Variants in KIRREL3 observed in about 807,000 individuals in gnomAD.
KIRREL3 encodes kirre like nephrin family adhesion molecule 3, also known as kin of IRRE-like protein 3.
In KIRREL3, 36 loss-of-function variants were observed where a neutral mutation model predicts 89.7. The ratio of observed to expected loss-of-function variants is 0.40; its 90% CI spans 0.31 to 0.53. KIRREL3 has a LOEUF of 0.53. KIRREL3 is among the 20% of genes least tolerant of loss of function. The pLI, the probability that KIRREL3 is intolerant of heterozygous loss-of-function variation, is 0.49. For missense variants in KIRREL3, 864 were observed against 1,056.6 expected (o/e 0.82, Z 2.53); for synonymous variants, 445 against 441.4 (o/e 1.01, Z -0.10).
rs895879469 is a variant in KIRREL3 at position 126,811,307 on chromosome 11, C to T, written c.55+189148G>A. ...CTTCAGAGAGAACTTTGACCCAGAA[C>T]CGAGTGACTGTTATGGAGCTACGAG... On this transcript the variant is annotated intron_variant, in intron 1 of 16. Transcript: ENST00000525144. The surrounding 1 kb of genome is among the most constrained non-coding windows in gnomAD (Gnocchi z 4.3). Among the ~76,000 whole-genome samples, 2 of 152,204 alleles carry T rather than the reference C, an allele frequency of 1.3e-5. No individual in the cohort carries two copies. The highest frequency in any genetic ancestry group is 4.8e-5 in the African/African-American group (2 of 41,462).
Position 126,489,428 on chromosome 11 carries a change from C to T in KIRREL3, c.434-15962G>A, listed in dbSNP as rs113312362. Among the ~76,000 whole-genome samples, 96 of 152,262 alleles carry T rather than the reference C, an allele frequency of 6.3e-4. 1 individual carries two copies. Among genetic ancestry groups the T allele is most frequent in the African/African-American group, 2.3e-3 (95 of 41,546 alleles). ...GAAAACAAAGCTTCCAGAGGGGATA[C>T]TTTGGGAGGCGCAGATCTAGGACAC... On this transcript the variant is annotated intron_variant, in intron 4 of 16. Coordinates refer to ENST00000525144, the MANE Select transcript of KIRREL3 (RefSeq NM_032531.4). This position sits in a 1 kb window ranked among gnomAD's most constrained non-coding sequence, Gnocchi z 5.5.
At position 126,429,351 on chromosome 11, in the gene KIRREL3, C is replaced by G; in HGVS notation, c.1697-63G>C. On this transcript the variant is annotated intron_variant, in intron 14 of 16. Transcript: ENST00000525144. The surrounding 1 kb of genome is among the most constrained non-coding windows in gnomAD (Gnocchi z 5.2). ...GTTCTTACCTTTGAGATGTCAAGCT[C>G]CCTTGCAGTCCCCTGCCCCTGCCCT... is the stretch of plus-strand genomic sequence containing the variant. 8.5e-7 allele frequency: 1 copy of G among 1,170,390 alleles called. No individual in the cohort carries two copies. Among genetic ancestry groups the G allele is most frequent in the Non-Finnish European group, 1.3e-6 (1 of 789,028 alleles). The allele number at this position is 1,170,390 out of a possible 1,614,324, so 72.5% of individuals were successfully genotyped here. A position where few individuals can be genotyped will look rare whatever the true frequency, so the allele number is the denominator to read the frequency against.
chr11:126,766,124 ATGT>A lies in KIRREL3; in HGVS notation c.56-203215_56-203213del, dbSNP rs2134282445. 6.6e-6 allele frequency among the ~76,000 whole-genome samples: 1 copy of A among 151,918 alleles called. No homozygotes were observed. The highest frequency in any genetic ancestry group is 2.4e-5 in the African/African-American group (1 of 41,424). ...GGTATCTAGTATCGTTTCATCGCTAATGTTGTGAGTGAGCTAGAACAATCATCT... is the reference window on the plus strand; with the variant it reads ...GGTATCTAGTATCGTTTCATCGCTAATGTGAGTGAGCTAGAACAATCATCT... On this transcript the variant is annotated intron_variant, in intron 1 of 16. Transcript: ENST00000525144. The surrounding 1 kb of genome is among the most constrained non-coding windows in gnomAD (Gnocchi z 4.2).
At chr11:126,674,854 T>C (rs1396449341) in intron 1 of KIRREL3, among the ~76,000 whole-genome samples, 1 of 151,474 alleles carries the variant, frequency 6.6e-6, no homozygotes, top group African/African-American at 2.4e-5. Flanking sequence ...TAAAAACACA[T>C]TACTGGTGTC....
chr11:126,514,869 A>AACAC (rs1565514715), intron 4 of KIRREL3, among the ~76,000 whole-genome samples: 2,138 of 76,644 alleles, frequency 0.028, 37 homozygotes, highest in African/African-American at 0.056. Flanking sequence ...CAACACAACA[A>AACAC]AACACAATTG....
At position 126,988,233 on chromosome 11, in the gene KIRREL3, C is replaced by T. The variant is rs987061539; in HGVS notation, c.55+12222G>A. ...TGATGATGAATTCTTTTAAAGAAAT[C>T]AGCATTTGGCTTTCAAAATGTTAAG... On this transcript the variant is annotated intron_variant, in intron 1 of 16. Transcript: ENST00000525144. Among the ~76,000 whole-genome samples, 17 of 152,276 alleles carry T rather than the reference C, an allele frequency of 1.1e-4. 1 individual carries two copies. The highest frequency in any genetic ancestry group is 3.1e-4 in the African/African-American group (13 of 41,548).
rs1388326769 is a variant in KIRREL3 at position 126,492,930 on chromosome 11, C to A, written c.434-19464G>T. Among the ~76,000 whole-genome samples, 1 of 152,214 alleles carries A rather than the reference C, an allele frequency of 6.6e-6. No homozygotes were observed. The highest frequency in any genetic ancestry group is 1.5e-5 in the Non-Finnish European group (1 of 68,048). On this transcript the variant is annotated intron_variant, in intron 4 of 16. Transcript: ENST00000525144. The surrounding 1 kb of genome is among the most constrained non-coding windows in gnomAD (Gnocchi z 4.8). ...GGGTGGAGGAATTAAGTTAGACATGCCGCAGAACTTCCTGGCCGTGGGCTG... is the reference window on the plus strand; with the variant it reads ...GGGTGGAGGAATTAAGTTAGACATGACGCAGAACTTCCTGGCCGTGGGCTG...
At chr11:126,621,400 GA>G (rs1483912480) in intron 1 of KIRREL3, among the ~76,000 whole-genome samples, 1 of 152,240 alleles carries the variant, frequency 6.6e-6, no homozygotes, top group Non-Finnish European at 1.5e-5. Flanking sequence ...CTTGTTCTGT[GA>G]AGTGGAAGAA....
Position 126,454,790 on chromosome 11 carries a change from C to T in KIRREL3, c.848+1559G>A, listed in dbSNP as rs1020063309. On this transcript the variant is annotated intron_variant, in intron 7 of 16. Coordinates refer to ENST00000525144, the MANE Select transcript of KIRREL3 (RefSeq NM_032531.4). This position sits in a 1 kb window ranked among gnomAD's most constrained non-coding sequence, Gnocchi z 5.8. Reference sequence around the variant, plus strand: ...ATTCTGGGGAGCCTGGAGTCCCCGGCTCAGAAGGGACCCTGGAGGTCATCT... The same window carrying T: ...ATTCTGGGGAGCCTGGAGTCCCCGGTTCAGAAGGGACCCTGGAGGTCATCT... Among the ~76,000 whole-genome samples the T allele has an allele frequency of 3.9e-5, 6 of 152,172 alleles. No individual in the cohort carries two copies. Among genetic ancestry groups the T allele is most frequent in the African/African-American group, 1.4e-4 (6 of 41,418 alleles).
chr11:126,616,950 G>A (rs573050036), intron 1 of KIRREL3, among the ~76,000 whole-genome samples: 1 of 152,368 alleles, frequency 6.6e-6, no homozygotes, highest in East Asian at 1.9e-4. Flanking sequence ...CCTCATAGAT[G>A]TTTCAAAGAC....
chr11:126,828,726 C>T (rs1174418740), intron 1 of KIRREL3, among the ~76,000 whole-genome samples: 1 of 152,212 alleles, frequency 6.6e-6, no homozygotes, highest in African/African-American at 2.4e-5. Context: ...GGAAAGACTG[C>T]ACAACCTTTA....
rs1949907638 is a variant in KIRREL3, at chr11:126,987,704, A to C, written c.55+12751T>G. Among the ~76,000 whole-genome samples, 1 of 152,248 alleles carries C rather than the reference A, an allele frequency of 6.6e-6. No homozygotes were observed. Among genetic ancestry groups the C allele is most frequent in the Admixed American group, 6.5e-5 (1 of 15,284 alleles). Reference sequence around the variant, plus strand: ...ACTGAAGTAAAAAGAAGGCATTTGAAGTATTCTATGCAGAGATCTATCTTC... The same window carrying C: ...ACTGAAGTAAAAAGAAGGCATTTGACGTATTCTATGCAGAGATCTATCTTC... On this transcript the variant is annotated intron_variant, in intron 1 of 16. Coordinates refer to ENST00000525144, the MANE Select transcript of KIRREL3 (RefSeq NM_032531.4). The surrounding 1 kb of genome is among the most constrained non-coding windows in gnomAD (Gnocchi z 4.6).
intron 1 of KIRREL3, among the ~76,000 whole-genome samples, chr11:126,707,386 T>A (rs1021384467): frequency 2.6e-5 from 4 of 151,984 alleles, no homozygotes; most frequent in Admixed American, 1.3e-4. Flanking sequence ...GAGGAAGGGA[T>A]CCTGTCTAAT....
chr11:126,932,564 T>C (rs930142739), intron 1 of KIRREL3, among the ~76,000 whole-genome samples: 1 of 152,212 alleles, frequency 6.6e-6, no homozygotes, highest in Non-Finnish European at 1.5e-5. Flanking sequence ...TCTCAATGCA[T>C]TGAACCCAAT....
intron 1 of KIRREL3, among the ~76,000 whole-genome samples, chr11:126,821,600 TGTGTGA>T (rs1272301055): frequency 6.6e-6 from 1 of 151,936 alleles, no homozygotes; most frequent in Non-Finnish European, 1.5e-5. Flanking sequence ...CATCCATGAA[TGTGTGA>T]ATGTGAATGT....
chr11:126,844,816 T>A lies in KIRREL3; in HGVS notation c.55+155639A>T, dbSNP rs1944085548. 6.6e-6 allele frequency among the ~76,000 whole-genome samples: 1 copy of A among 152,128 alleles called. No homozygotes were observed. Among genetic ancestry groups the A allele is most frequent in the African/African-American group, 2.4e-5 (1 of 41,508 alleles). ...TATAGGATCTTGGGACATGGGGAGC[T>A]TTTTCCTCCCTAAAAAAGGGAAACT... On this transcript the variant is annotated intron_variant, in intron 1 of 16. Transcript: ENST00000525144. The surrounding 1 kb of genome is among the most constrained non-coding windows in gnomAD (Gnocchi z 4.8).
chr11:126,525,727 C>A lies in KIRREL3; in HGVS notation c.283+811G>T, dbSNP rs1048962435. Among the ~76,000 whole-genome samples, 1 of 152,154 alleles carries A rather than the reference C, an allele frequency of 6.6e-6. No homozygotes were observed. Among genetic ancestry groups the A allele is most frequent in the South Asian group, 2.1e-4 (1 of 4,832 alleles). On this transcript the variant is annotated intron_variant, in intron 3 of 16. Coordinates refer to ENST00000525144, the MANE Select transcript of KIRREL3 (RefSeq NM_032531.4). This position sits in a 1 kb window ranked among gnomAD's most constrained non-coding sequence, Gnocchi z 5.4. ...CCCTGCTTGTGAATTTTACTGTGTA[C>A]GCCAAGCCTAGCAAACAACCACTGC... is the stretch of plus-strand genomic sequence containing the variant.
Position 126,521,467 on chromosome 11 carries a change from G to A in KIRREL3, c.284-3C>T. The A allele has an allele frequency of 6.3e-7, 1 of 1,580,748 alleles. No individual in the cohort carries two copies. Among genetic ancestry groups the A allele is most frequent in the Non-Finnish European group, 8.6e-7 (1 of 1,163,478 alleles). On this transcript the variant is annotated splice_region_variant and splice_polypyrimidine_tract_variant and intron_variant, in intron 3 of 16. Coordinates refer to ENST00000525144, the MANE Select transcript of KIRREL3 (RefSeq NM_032531.4). This position sits in a 1 kb window ranked among gnomAD's most constrained non-coding sequence, Gnocchi z 4.1. Reference sequence around the variant, plus strand: ...TACCACCAGGTACTGTGGGTAACCTGTGGAGACAACAGGCAGGTCAGGGAG... The same window carrying A: ...TACCACCAGGTACTGTGGGTAACCTATGGAGACAACAGGCAGGTCAGGGAG...
Position 126,609,963 on chromosome 11 carries a change from A to G in KIRREL3, c.56-47051T>C, listed in dbSNP as rs1943054620. On this transcript the variant is annotated intron_variant, in intron 1 of 16. Coordinates refer to ENST00000525144, the MANE Select transcript of KIRREL3 (RefSeq NM_032531.4). The surrounding 1 kb of genome is among the most constrained non-coding windows in gnomAD (Gnocchi z 5.0). ...CTCAGAACAACCCAATGTTGTTGGA[A>G]GGTGCAATGATCATCTTCCTTTTAC... is the stretch of plus-strand genomic sequence containing the variant. 6.6e-6 allele frequency among the ~76,000 whole-genome samples: 1 copy of G among 152,224 alleles called. No homozygotes were observed. Among genetic ancestry groups the G allele is most frequent in the South Asian group, 2.1e-4 (1 of 4,830 alleles).
Sources: allele counts gnomAD v4.1 joint callset (sites outside exome capture counted in the v4.1 genomes callset), GRCh38; gene constraint gnomAD v4.1.1; non-coding constraint Gnocchi (gnomAD v3.1); transcripts MANE v1.5; gene names NCBI Gene and HGNC (gene_info 2026-07-23, HGNC 2026-07-21).